FHIT: variants seen among roughly 807,000 people sequenced by gnomAD.
FHIT encodes the protein fragile histidine triad diadenosine triphosphatase.
A neutral mutation model predicts 17.9 loss-of-function variants in FHIT; 19 were observed. The ratio of observed to expected loss-of-function variants is 1.06; its 90% confidence interval spans 0.74 to 1.56. The LOEUF (loss-of-function observed/expected upper bound fraction) is 1.56. FHIT is among the 40% of genes most tolerant of loss of function. The pLI is 0.00. For missense variants in FHIT, 248 were observed against 189.2 expected, an observed-to-expected ratio of 1.31 and a Z score of -1.82; for synonymous variants, 81 against 69.7, an observed-to-expected ratio of 1.16 and a Z score of -0.81.
intron 5 of FHIT, among the ~76,000 whole-genome samples, chr3:60,051,326 C>CTTT (rs773498624): frequency 0.22 from 28,589 of 131,618 alleles, 3,954 homozygotes; most frequent in Non-Finnish European, 0.28. Context: ...ATTTAGGATG[C>CTTT]TTTTTTTTTT....
intron 8 of FHIT, 67 bp from the exon 9 acceptor site, chr3:59,752,388 G>A: frequency 7.8e-7 from 1 of 1,276,572 alleles, no homozygotes; most frequent in Non-Finnish European, 1.1e-6. Context: ...CAAATTTCGG[G>A]GGGCTGGGGG....
intron 5 of FHIT, among the ~76,000 whole-genome samples, chr3:60,408,251 A>G (rs1701946141): frequency 6.6e-6 from 1 of 152,192 alleles, no homozygotes; most frequent in Non-Finnish European, 1.5e-5. Context: ...ACACTTCCTC[A>G]GCCGAGACTT....
intron 4 of FHIT, among the ~76,000 whole-genome samples, chr3:60,770,144 A>T (rs1699991889): frequency 6.6e-6 from 1 of 152,206 alleles, no homozygotes; most frequent in African/African-American, 2.4e-5. Context: ...GTTAGACTCC[A>T]GCAACCCCAA....
chr3:60,794,248 C>T (rs1175377411), intron 4 of FHIT, among the ~76,000 whole-genome samples: 2 of 152,006 alleles, frequency 1.3e-5, no homozygotes, highest in African/African-American at 2.4e-5. Flanking sequence ...TGTTCTACTC[C>T]TTGCTTTTTC....
chr3:60,851,404 C>G (rs1414192067), intron 3 of FHIT, among the ~76,000 whole-genome samples: 1 of 152,104 alleles, frequency 6.6e-6, no homozygotes, highest in Non-Finnish European at 1.5e-5. Context: ...ACACTGGAAT[C>G]TCACTCAGCA....
intron 7 of FHIT, among the ~76,000 whole-genome samples, chr3:59,998,190 G>A (rs1019110144): frequency 2.6e-5 from 4 of 152,100 alleles, no homozygotes; most frequent in Admixed American, 6.6e-5. Context: ...TCTAGCCACC[G>A]GTGTGCTTGT....
At chr3:60,797,243 C>T (rs1701014088) in intron 4 of FHIT, among the ~76,000 whole-genome samples, 1 of 152,132 alleles carries the variant, frequency 6.6e-6, no homozygotes, top group African/African-American at 2.4e-5. Flanking sequence ...AATGTTTCTA[C>T]ACCTCTCTTG....
intron 3 of FHIT, among the ~76,000 whole-genome samples, chr3:60,964,901 T>G (rs1234065696): frequency 1.3e-5 from 2 of 152,214 alleles, no homozygotes; most frequent in Non-Finnish European, 2.9e-5. Flanking sequence ...ATCTGACAAT[T>G]ATGTGTCTTG....
chr3:60,257,208 C>T (rs1706043541), intron 5 of FHIT, among the ~76,000 whole-genome samples: 1 of 152,154 alleles, frequency 6.6e-6, no homozygotes, highest in Non-Finnish European at 1.5e-5. Context: ...ATTTCTGTAT[C>T]TGTCTGAGAG....
chr3:60,965,113 G>A (rs1709657568), intron 3 of FHIT, among the ~76,000 whole-genome samples: 1 of 152,058 alleles, frequency 6.6e-6, no homozygotes, highest in Non-Finnish European at 1.5e-5. Flanking sequence ...CATATTTCCT[G>A]GAGGCTTTGT....
chr3:60,927,352 C>T (rs1214008500), intron 3 of FHIT, among the ~76,000 whole-genome samples: 1 of 152,196 alleles, frequency 6.6e-6, no homozygotes, highest in Non-Finnish European at 1.5e-5. Context: ...ACCTCCCAGC[C>T]GCCTGCCTTG....
At chr3:60,971,063 C>A (rs1575775273) in intron 3 of FHIT, among the ~76,000 whole-genome samples, 1 of 152,196 alleles carries the variant, frequency 6.6e-6, no homozygotes, top group East Asian at 1.9e-4. Context: ...CATTATCACA[C>A]ATACGAAAAA....
chr3:61,005,547 C>T (rs2031388953), intron 3 of FHIT, among the ~76,000 whole-genome samples: 1 of 152,034 alleles, frequency 6.6e-6, no homozygotes, highest in African/African-American at 2.4e-5. Flanking sequence ...AGAACTTCTG[C>T]AACAGACACG....
chr3:60,945,079 G>C (rs9990003), intron 3 of FHIT, among the ~76,000 whole-genome samples: 38,090 of 151,848 alleles, frequency 0.25, 4,852 homozygotes, highest in Middle Eastern at 0.31. Context: ...GATGGAGGAT[G>C]ATGAGGGAGG....
chr3:60,319,092 C>T (rs1188435825), intron 5 of FHIT, among the ~76,000 whole-genome samples: 2 of 152,140 alleles, frequency 1.3e-5, no homozygotes, highest in African/African-American at 4.8e-5. Context: ...ATAACTTCCC[C>T]ATCTTAAGAT....
Position 60,619,042 on chromosome 3 carries a change from T to A in FHIT, c.-17-82063A>T, listed in dbSNP as rs142266682. Among the ~76,000 whole-genome samples, 20 of 152,232 alleles carry A rather than the reference T, an allele frequency of 1.3e-4. No homozygotes were observed. In the East Asian group the frequency reaches 3.5e-3, roughly 26 times the overall value. ...CCTACAGAACCACAGGATGATAAAT[T>A]TGTGTTGTTTGAAGCCACTGAGTCT... On this transcript the variant is annotated intron_variant, in intron 4 of 9. Transcript: ENST00000492590.
At chr3:60,184,425 A>G (rs1315135038) in intron 5 of FHIT, among the ~76,000 whole-genome samples, 1 of 152,118 alleles carries the variant, frequency 6.6e-6, no homozygotes, top group Non-Finnish European at 1.5e-5. Context: ...AATAGTACTG[A>G]GGCAAGTATG....
At chr3:60,304,658 G>A (rs1284135369) in intron 5 of FHIT, among the ~76,000 whole-genome samples, 1 of 152,056 alleles carries the variant, frequency 6.6e-6, no homozygotes, top group Non-Finnish European at 1.5e-5. Flanking sequence ...TAGTATATGT[G>A]CCATATATTG....
intron 8 of FHIT, among the ~76,000 whole-genome samples, chr3:59,817,959 A>G (rs1700660499): frequency 6.6e-6 from 1 of 152,114 alleles, no homozygotes; most frequent in African/African-American, 2.4e-5. Context: ...GCTGGGGGGA[A>G]GAAAGAGAGG....
Sources: gnomAD v4.1 joint callset for allele counts (sites outside exome capture counted in the v4.1 genomes callset) on GRCh38, gnomAD v4.1.1 for gene constraint, MANE v1.5 for transcripts, NCBI Gene and HGNC (gene_info 2026-07-23, HGNC 2026-07-21) for gene names.